The following STARD13 variants were observed in gnomAD, a reference collection of about 807,000 sequenced individuals.
STARD13 encodes the protein StAR related lipid transfer domain containing 13, also known as stAR-related lipid transfer protein 13.
Under a neutral mutation model 106.4 loss-of-function variants are expected in STARD13, and 62 were observed. That is an observed-to-expected ratio of 0.58 (90% CI 0.48 to 0.72). The LOEUF (loss-of-function observed/expected upper bound fraction) is 0.72. STARD13 is among the 30% of genes least tolerant of loss of function. The pLI, the probability that STARD13 is intolerant of heterozygous loss-of-function variation, is 0.00. For synonymous variants in STARD13, 565 were observed against 553.0 expected, an observed-to-expected ratio of 1.02 and a Z score of -0.31; for missense variants, 1,387 against 1,424.0, an observed-to-expected ratio of 0.97 and a Z score of 0.42.
intron 5 of STARD13, among the ~76,000 whole-genome samples, chr13:33,127,945 A>G (rs1289762651): frequency 2.6e-5 from 4 of 151,608 alleles, no homozygotes; most frequent in African/African-American, 9.7e-5. Flanking sequence ...AAAGAGACGG[A>G]GACAGGGAGA....
chr13:33,478,837 G>T, the STARD13 span, among the ~76,000 whole-genome samples: 1 of 152,140 alleles, frequency 6.6e-6, no homozygotes, highest in Non-Finnish European at 1.5e-5. Flanking sequence ...GATTGATTAA[G>T]CTCTGGAAGT....
At chr13:33,305,613 A>G (rs1294847895) in intron 1 of STARD13, among the ~76,000 whole-genome samples, 5 of 152,234 alleles carry the variant, frequency 3.3e-5, no homozygotes, top group Non-Finnish European at 7.3e-5. Flanking sequence ...AGACATATTA[A>G]AGCACAGGGT....
chr13:33,306,786 C>A (rs1477294514), intron 1 of STARD13, among the ~76,000 whole-genome samples: 1 of 152,072 alleles, frequency 6.6e-6, no homozygotes. Flanking sequence ...TCTGTCTCTA[C>A]TAAAAATACA....
At chr13:33,384,788 T>C in the STARD13 span, among the ~76,000 whole-genome samples, 1 of 152,080 alleles carries the variant, frequency 6.6e-6, no homozygotes, top group Non-Finnish European at 1.5e-5. Context: ...CACCCACCTC[T>C]ACCCTCAAAA....
the STARD13 span, among the ~76,000 whole-genome samples, chr13:33,659,329 C>A: frequency 6.6e-6 from 1 of 151,296 alleles, no homozygotes; most frequent in South Asian, 2.1e-4. Context: ...AACTCTCCTG[C>A]CTCAGCCTCC....
intron 5 of STARD13, among the ~76,000 whole-genome samples, chr13:33,127,869 G>T (rs1054172493): frequency 5.9e-5 from 6 of 102,388 alleles, no homozygotes; most frequent in Non-Finnish European, 1.2e-4. Flanking sequence ...GAGTGAGTGT[G>T]TGTGTGTGTG....
At chr13:33,437,355 C>T in the STARD13 span, among the ~76,000 whole-genome samples, 239 of 152,322 alleles carry the variant, frequency 1.6e-3, no homozygotes, top group African/African-American at 5.3e-3. Context: ...ACAGGAATTG[C>T]TCACTCAGGG....
At chr13:33,459,637 G>T in the STARD13 span, among the ~76,000 whole-genome samples, 1 of 152,138 alleles carries the variant, frequency 6.6e-6, no homozygotes, top group Admixed American at 6.5e-5. Flanking sequence ...CGTATGATAG[G>T]TGTGTTTACT....
At chr13:33,653,587 T>G in the STARD13 span, among the ~76,000 whole-genome samples, 4 of 152,138 alleles carry the variant, frequency 2.6e-5, no homozygotes, top group South Asian at 8.3e-4. Context: ...TAGAACAAAA[T>G]GTAGAAGAAT....
At chr13:33,425,875 C>A in the STARD13 span, among the ~76,000 whole-genome samples, 2 of 152,152 alleles carry the variant, frequency 1.3e-5, no homozygotes, top group Non-Finnish European at 2.9e-5. Context: ...GGTATTGGGA[C>A]CACCAGTTTA....
chr13:33,266,316 A>G, intron 1 of STARD13, among the ~76,000 whole-genome samples: 1 of 152,368 alleles, frequency 6.6e-6, no homozygotes, highest in Non-Finnish European at 1.5e-5. Flanking sequence ...GGGCCTGCAT[A>G]AAATACATGC....
intron 1 of STARD13, among the ~76,000 whole-genome samples, chr13:33,185,132 C>A (rs866190443): frequency 6.6e-6 from 1 of 152,044 alleles, no homozygotes; most frequent in Admixed American, 6.6e-5. Flanking sequence ...TCCATGTATG[C>A]CAGAAAATGT....
At chr13:33,243,059 A>C (rs2138256518) in intron 1 of STARD13, among the ~76,000 whole-genome samples, 1 of 152,308 alleles carries the variant, frequency 6.6e-6, no homozygotes, top group East Asian at 1.9e-4. Flanking sequence ...TGATGTGGCT[A>C]CAGGAATTCC....
chr13:33,255,451 G>A (rs1365738548), intron 1 of STARD13, among the ~76,000 whole-genome samples: 1 of 151,808 alleles, frequency 6.6e-6, no homozygotes, highest in Non-Finnish European at 1.5e-5. Flanking sequence ...TCCAGGGCCC[G>A]CACACCCTGT....
At chr13:33,635,946 T>C in the STARD13 span, among the ~76,000 whole-genome samples, 2 of 151,224 alleles carry the variant, frequency 1.3e-5, no homozygotes. Flanking sequence ...ATAACGCCAC[T>C]GCACTTCAGC....
intron 1 of STARD13, among the ~76,000 whole-genome samples, chr13:33,302,947 T>G (rs1212877245): frequency 1.3e-5 from 2 of 152,234 alleles, no homozygotes; most frequent in African/African-American, 4.8e-5. Flanking sequence ...TTCTTCAGTC[T>G]GGCATTAAAG....
At chr13:33,504,772 A>T in the STARD13 span, among the ~76,000 whole-genome samples, 62 of 152,310 alleles carry the variant, frequency 4.1e-4, no homozygotes, top group Non-Finnish European at 6.3e-4. Context: ...TAAATAAAAA[A>T]TAAAAAGAAT....
chr13:33,607,145 T>A, the STARD13 span, among the ~76,000 whole-genome samples: 1 of 151,858 alleles, frequency 6.6e-6, no homozygotes, highest in Non-Finnish European at 1.5e-5. Flanking sequence ...TTTTTAAGTG[T>A]CCCAATATAT....
At chr13:33,204,102 C>T (rs970204449) in intron 1 of STARD13, among the ~76,000 whole-genome samples, 7 of 152,152 alleles carry the variant, frequency 4.6e-5, no homozygotes, top group African/African-American at 1.7e-4. Context: ...CAATTAAAAT[C>T]GTCTCCATAA....
Sources: gnomAD v4.1 joint callset for allele counts (sites outside exome capture counted in the v4.1 genomes callset) on GRCh38, gnomAD v4.1.1 for gene constraint, MANE v1.5 for transcripts, NCBI Gene and HGNC (gene_info 2026-07-23, HGNC 2026-07-21) for gene names.